Variants in ZNF131 observed in about 807,000 individuals in gnomAD.
ZNF131 encodes zinc finger and BTB domain containing 35.
A neutral mutation model predicts 60.0 loss-of-function variants in ZNF131; 7 were observed. That is an observed-to-expected ratio of 0.12 (90% CI 0.07 to 0.22). The LOEUF (loss-of-function observed/expected upper bound fraction) is 0.22, where lower values mean the gene tolerates loss of function less well. Among genes scored for constraint, ZNF131 ranks in the 10% least tolerant of loss-of-function variants. The pLI, the probability that ZNF131 is intolerant of heterozygous loss-of-function variation, is 1.00. For synonymous variants in ZNF131, 257 were observed against 253.2 expected, an observed-to-expected ratio of 1.01 and a Z score of -0.14; for missense variants, 493 against 740.9, an observed-to-expected ratio of 0.67 and a Z score of 3.88.
chr5:43,171,005 C>A (rs1354776368), intron 5 of ZNF131, among the ~76,000 whole-genome samples: 1 of 145,860 alleles, frequency 6.9e-6, no homozygotes, highest in Non-Finnish European at 1.5e-5. Context: ...AGTGCAATGG[C>A]CTGTTCTCGG....
intron 6 of ZNF131, among the ~76,000 whole-genome samples, chr5:43,173,719 G>A (rs1448444217): frequency 6.6e-6 from 1 of 151,368 alleles, no homozygotes; most frequent in African/African-American, 2.4e-5. Flanking sequence ...GGTGGGGATT[G>A]GTGGAAGCAT....
chr5:43,145,269 T>C (rs1747437169), intron 4 of ZNF131, among the ~76,000 whole-genome samples: 1 of 152,170 alleles, frequency 6.6e-6, no homozygotes, highest in Admixed American at 6.6e-5. Flanking sequence ...GAGCACTTTT[T>C]CTTGTTCTTT....
chr5:43,139,037 T>G, intron 3 of ZNF131, 128 bp from the exon 4 acceptor site: 2 of 796,132 alleles, frequency 2.5e-6, no homozygotes, highest in Non-Finnish European at 3.6e-6. Flanking sequence ...AATGAGAATT[T>G]TTCCAGAAAA....
intron 4 of ZNF131, among the ~76,000 whole-genome samples, chr5:43,155,796 A>G (rs1426576517): frequency 6.6e-6 from 1 of 152,176 alleles, no homozygotes. Context: ...AGTGTTGTGA[A>G]TCTATCTTTA....
Position 43,175,290 on chromosome 5 carries a change from C to T in ZNF131, c.*157C>T, listed in dbSNP as rs759703301. On this transcript the variant is annotated 3_prime_UTR_variant, in exon 7 of 7. Coordinates refer to ENST00000682664, the MANE Select transcript of ZNF131 (RefSeq NM_001330707.2). The stretch of plus-strand genomic sequence containing the variant: ...TTGTCCGTTGAAACACATTGATTCC[C>T]CTCCCCCTACTTATTGCCACAGAGG... 1.3e-6 allele frequency: 1 copy of T among 753,938 alleles called. No individual in the cohort carries two copies. The highest frequency in any genetic ancestry group is 2.2e-6 in the Non-Finnish European group (1 of 463,720). 46.7% of individuals were successfully genotyped at this position (753,938 alleles called of 1,614,324 possible).
chr5:43,128,507 A>G (rs1006366872), intron 3 of ZNF131, among the ~76,000 whole-genome samples: 1 of 151,942 alleles, frequency 6.6e-6, no homozygotes, highest in Non-Finnish European at 1.5e-5. Flanking sequence ...TACAAAAAAA[A>G]TTAGCTGGGC....
intron 3 of ZNF131, among the ~76,000 whole-genome samples, chr5:43,126,800 T>C (rs578085131): frequency 1.7e-4 from 26 of 152,274 alleles, no homozygotes; most frequent in African/African-American, 6.0e-4. Context: ...AGACTCAGGA[T>C]TGGGGCTTGC....
At chr5:43,133,762 T>C (rs1184190376) in intron 3 of ZNF131, among the ~76,000 whole-genome samples, 1 of 152,178 alleles carries the variant, frequency 6.6e-6, no homozygotes, top group Non-Finnish European at 1.5e-5. Context: ...CCTTGAGCAG[T>C]AGGATATTAA....
Position 43,169,134 on chromosome 5 carries a change from C to T in ZNF131, c.1055-4184C>T, listed in dbSNP as rs56237927. 8.3e-3 allele frequency among the ~76,000 whole-genome samples: 1,262 copies of T among 152,298 alleles called. 5 individuals are homozygous for T. Among genetic ancestry groups the T allele is most frequent in the Non-Finnish European group, 0.013 (854 of 68,032 alleles). ...CCAGAAATCAGAATTTCAGTTCCAT[C>T]TCCAGTTCAGCATTTGCCAGCATGA... On this transcript the variant is annotated intron_variant, in intron 5 of 6. Coordinates refer to ENST00000682664, the MANE Select transcript of ZNF131 (RefSeq NM_001330707.2).
rs749966437 is a variant in ZNF131 at position 43,123,300 on chromosome 5, G to A, written c.216G>A (p.Val72=). 2 of 1,595,308 alleles carry A rather than the reference G, an allele frequency of 1.3e-6. No homozygotes were observed. Among genetic ancestry groups the A allele is most frequent in the South Asian group, 1.2e-5 (1 of 86,554 alleles). The change falls in exon 3 of 7, where the codon GTG becomes GTA. Residue 72 remains valine, a synonymous_variant. Transcript: ENST00000682664. ...FFQEFTQEPL[V]EIEGVSKMAF... ...AGGAGTTTACCCAAGAACCATTGGT[G>A]GAGATAGAAGGTAAATGATTCTTGT...
At chr5:43,124,281 T>G (rs1483350964) in intron 3 of ZNF131, 1 of 152,162 alleles carries the variant, frequency 6.6e-6, no homozygotes, top group Non-Finnish European at 1.5e-5. Flanking sequence ...AGCATCAAAA[T>G]CTAAAACAGC....
In ZNF131 at chr5:43,173,322, A is replaced by G; in HGVS notation, c.1059A>G (p.Glu353=). 1 of 1,600,734 alleles carries G rather than the reference A, an allele frequency of 6.2e-7. No homozygotes were observed. The highest frequency in any genetic ancestry group is 8.5e-7 in the Non-Finnish European group (1 of 1,170,634). The part of the protein sequence containing the change: ...FKEHLRKHTG[E]KPFECPNCHE... Reference sequence around the variant, plus strand: ...ATCTTTTTTCCCCTCTAATAGGTGAAAAACCTTTTGAATGTCCAAATTGTC... The same window carrying G: ...ATCTTTTTTCCCCTCTAATAGGTGAGAAACCTTTTGAATGTCCAAATTGTC... Residue 353 remains glutamate, a synonymous_variant, in exon 6 of 7, where the codon GAA becomes GAG. Transcript: ENST00000682664.
At chr5:43,136,476 CTT>C (rs70991484) in intron 3 of ZNF131, among the ~76,000 whole-genome samples, 2,761 of 68,970 alleles carry the variant, frequency 0.04, 12 homozygotes, top group East Asian at 0.086. Context: ...AGGCATCATA[CTT>C]TTTTTTTTTT....
rs372267393 is a variant in ZNF131 at position 43,147,830 on chromosome 5, G to A, written c.371+8521G>A. 3.4e-4 allele frequency among the ~76,000 whole-genome samples: 51 copies of A among 151,942 alleles called. 1 individual carries two copies. The East Asian group carries it at 4.9e-3, about 14-fold the overall frequency. ...AGCACTTTGGGATGCCGAGGCAGGT[G>A]GATCACCTGAGGTCACGAGTTTGAG... On this transcript the variant is annotated intron_variant, in intron 4 of 6. Coordinates refer to ENST00000682664, the MANE Select transcript of ZNF131 (RefSeq NM_001330707.2).
intron 1 of ZNF131, 58 bp from the exon 2 acceptor site, chr5:43,121,981 G>C: frequency 1.3e-6 from 2 of 1,561,006 alleles, no homozygotes; most frequent in Non-Finnish European, 1.7e-6. Context: ...TATGCTTTAG[G>C]GGTTTTGTTC....
intron 4 of ZNF131, among the ~76,000 whole-genome samples, chr5:43,159,063 A>G (rs1749314088): frequency 6.6e-6 from 1 of 152,170 alleles, no homozygotes; most frequent in African/African-American, 2.4e-5. Context: ...CCTTCCCCTC[A>G]AGTCCCACAA....
rs6862920 is a variant in ZNF131 at position 43,152,662 on chromosome 5, A to G, written c.372-8587A>G. Among the ~76,000 whole-genome samples, 762 of 152,276 alleles carry G rather than the reference A, an allele frequency of 5.0e-3. 5 individuals are homozygous for G. The highest frequency in any genetic ancestry group is 0.017 in the African/African-American group (692 of 41,556). On this transcript the variant is annotated intron_variant, in intron 4 of 6. Transcript: ENST00000682664. ...CACTGTGTCACCCAGGCTGGAGTGCAGTGGTGCAATCACAGCTCACTGCAG... is the reference window on the plus strand; with the variant it reads ...CACTGTGTCACCCAGGCTGGAGTGCGGTGGTGCAATCACAGCTCACTGCAG...
chr5:43,160,409 A>T (rs973751801), intron 4 of ZNF131, among the ~76,000 whole-genome samples: 2 of 151,538 alleles, frequency 1.3e-5, no homozygotes, highest in Non-Finnish European at 2.9e-5. Flanking sequence ...CTGAGGTGGG[A>T]GGATCACTTG....
chr5:43,126,506 A>G (rs1303439051), intron 3 of ZNF131, among the ~76,000 whole-genome samples: 1 of 152,186 alleles, frequency 6.6e-6, no homozygotes, highest in Non-Finnish European at 1.5e-5. Context: ...ACAAATTTAG[A>G]GGACGTTTCT....
Sources: allele counts gnomAD v4.1 joint callset (sites outside exome capture counted in the v4.1 genomes callset), GRCh38; gene constraint gnomAD v4.1.1; transcripts MANE v1.5; gene names NCBI Gene and HGNC (gene_info 2026-07-23, HGNC 2026-07-21).